TENM3: variants seen among roughly 807,000 people sequenced by gnomAD.
The protein encoded by TENM3 is teneurin transmembrane protein 3.
Under a neutral mutation model 255.1 loss-of-function variants are expected in TENM3, and 63 were observed. The ratio of observed to expected loss-of-function variants is 0.25; its 90% CI spans 0.20 to 0.30. TENM3 has a LOEUF of 0.30. TENM3 is among the 10% of genes least tolerant of loss of function. The pLI is 1.00. For missense variants in TENM3, 2,929 were observed against 3,461.1 expected (o/e 0.85, Z 3.86); for synonymous variants, 1,306 against 1,322.3 (o/e 0.99, Z 0.27).
chr4:181,911,198 C>G, the TENM3 span, among the ~76,000 whole-genome samples: 1 of 152,138 alleles, frequency 6.6e-6, no homozygotes, highest in Admixed American at 6.5e-5. Context: ...GCGCTGAAAC[C>G]TGCCTGCATT....
intron 22 of TENM3, among the ~76,000 whole-genome samples, chr4:182,771,253 A>G (rs1193564403): frequency 1.3e-5 from 2 of 152,198 alleles, no homozygotes; most frequent in Admixed American, 6.5e-5. Flanking sequence ...TGGGGCTAGA[A>G]AATATAAACC....
At chr4:181,735,056 C>T in the TENM3 span, among the ~76,000 whole-genome samples, 1 of 151,948 alleles carries the variant, frequency 6.6e-6, no homozygotes, top group South Asian at 2.1e-4. Context: ...ACAGAATTTA[C>T]AAGGAAATGC....
chr4:182,736,712 T>C, intron 16 of TENM3, 96 bp from the exon 17 acceptor site: 1 of 1,165,196 alleles, frequency 8.6e-7, no homozygotes, highest in Non-Finnish European at 1.2e-6. Context: ...AGAGAGTCAC[T>C]ATTCACAAAT....
At chr4:182,668,338 A>T (rs1027066761) in intron 6 of TENM3, among the ~76,000 whole-genome samples, 1 of 152,150 alleles carries the variant, frequency 6.6e-6, no homozygotes, top group African/African-American at 2.4e-5. Flanking sequence ...CATGAATGTT[A>T]TTGAGGGTCT....
the TENM3 span, among the ~76,000 whole-genome samples, chr4:181,499,539 T>C: frequency 6.6e-6 from 1 of 151,968 alleles, no homozygotes; most frequent in Non-Finnish European, 1.5e-5. Context: ...AGGAGGGAGA[T>C]GATGAGTGAC....
intron 4 of TENM3, among the ~76,000 whole-genome samples, chr4:182,606,686 A>G (rs1748476018): frequency 6.6e-6 from 1 of 152,200 alleles, no homozygotes; most frequent in African/African-American, 2.4e-5. Context: ...AGTTTGAGAT[A>G]AAGTTTCAAA....
At chr4:182,389,099 A>T (rs906493223) in intron 3 of TENM3, among the ~76,000 whole-genome samples, 6 of 152,226 alleles carry the variant, frequency 3.9e-5, no homozygotes, top group Non-Finnish European at 7.3e-5. Flanking sequence ...ATCCCACATC[A>T]TTAATATGTC....
the TENM3 span, among the ~76,000 whole-genome samples, chr4:181,939,550 T>C: frequency 2.2e-3 from 331 of 152,344 alleles, no homozygotes; most frequent in African/African-American, 7.4e-3. Flanking sequence ...GATCGGAAAC[T>C]TGTGCCCTAA....
the TENM3 span, among the ~76,000 whole-genome samples, chr4:181,537,659 A>C: frequency 1.3e-5 from 2 of 152,350 alleles, no homozygotes; most frequent in African/African-American, 4.8e-5. Context: ...TAAAGATGGC[A>C]TTAACTTGAT....
intron 6 of TENM3, among the ~76,000 whole-genome samples, chr4:182,655,527 C>T (rs889102400): frequency 6.6e-6 from 1 of 152,150 alleles, no homozygotes; most frequent in East Asian, 1.9e-4. Context: ...CCTCTGCTCA[C>T]GTCAGCACTC....
the TENM3 span, among the ~76,000 whole-genome samples, chr4:181,928,508 C>T: frequency 7.9e-5 from 12 of 151,818 alleles, no homozygotes; most frequent in South Asian, 4.2e-4. Context: ...AAGAACAACA[C>T]CACCAAGAAA....
chr4:182,441,479 C>A (rs1772481805), intron 3 of TENM3, among the ~76,000 whole-genome samples: 1 of 152,154 alleles, frequency 6.6e-6, no homozygotes, highest in Non-Finnish European at 1.5e-5. Context: ...TCCACTCATT[C>A]CCAAACCAGC....
intron 1 of TENM3, among the ~76,000 whole-genome samples, chr4:182,176,307 C>G (rs1752485979): frequency 6.8e-6 from 1 of 147,828 alleles, no homozygotes; most frequent in African/African-American, 2.5e-5. Flanking sequence ...TACAGCTTCA[C>G]CACCGTGTGT....
intron 3 of TENM3, among the ~76,000 whole-genome samples, chr4:182,387,465 A>G (rs1411035353): frequency 1.3e-5 from 2 of 152,164 alleles, no homozygotes; most frequent in Non-Finnish European, 2.9e-5. Context: ...ACCAATCAGC[A>G]GGATGTGGGT....
the TENM3 span, among the ~76,000 whole-genome samples, chr4:181,540,640 T>A: frequency 3.3e-5 from 5 of 152,246 alleles, no homozygotes; most frequent in South Asian, 1.0e-3. Flanking sequence ...CAGACACACA[T>A]TATCCCAGTC....
At chr4:182,353,309 C>T (rs991615601) in intron 3 of TENM3, among the ~76,000 whole-genome samples, 2 of 152,294 alleles carry the variant, frequency 1.3e-5, no homozygotes, top group Admixed American at 6.5e-5. Context: ...TTCTATTATA[C>T]ATACTAAACT....
At chr4:182,162,419 C>A (rs890426619) in intron 1 of TENM3, among the ~76,000 whole-genome samples, 1 of 152,090 alleles carries the variant, frequency 6.6e-6, no homozygotes, top group Non-Finnish European at 1.5e-5. Context: ...GACAAACTAA[C>A]ACTGTGAGCT....
the TENM3 span, among the ~76,000 whole-genome samples, chr4:181,853,850 T>G: frequency 6.6e-6 from 1 of 152,232 alleles, no homozygotes; most frequent in African/African-American, 2.4e-5. Context: ...TGGCAAACTA[T>G]GCTGAACGAT....
At chr4:182,315,034 A>G (rs1762671456) in intron 1 of TENM3, among the ~76,000 whole-genome samples, 1 of 152,172 alleles carries the variant, frequency 6.6e-6, no homozygotes, top group Admixed American at 6.6e-5. Flanking sequence ...AGGTCACTTC[A>G]CATACCTTGT....
Sources: allele counts gnomAD v4.1 joint callset (sites outside exome capture counted in the v4.1 genomes callset), GRCh38; gene constraint gnomAD v4.1.1; transcripts MANE v1.5; gene names NCBI Gene and HGNC (gene_info 2026-07-23, HGNC 2026-07-21).